Variants in UTRN observed in about 807,000 individuals in gnomAD.
UTRN encodes dystrophin-related protein 1.
UTRN carries 283 observed loss-of-function variants against 463.9 expected under a neutral mutation model. That is an observed-to-expected ratio of 0.61 (90% confidence interval 0.55 to 0.67). The LOEUF (loss-of-function observed/expected upper bound fraction) is 0.67, where lower values mean the gene tolerates loss of function less well. UTRN is among the 30% of genes least tolerant of loss of function. The pLI, the probability that UTRN is intolerant of heterozygous loss-of-function variation, is 0.00. For synonymous variants in UTRN, 1,442 were observed against 1,431.5 expected, an observed-to-expected ratio of 1.01 and a Z score of -0.17; for missense variants, 3,922 against 4,084.3, an observed-to-expected ratio of 0.96 and a Z score of 1.08.
chr6:144,357,420 A>G (rs1188311975), intron 2 of UTRN, among the ~76,000 whole-genome samples: 2 of 152,204 alleles, frequency 1.3e-5, no homozygotes, highest in Non-Finnish European at 1.5e-5. Flanking sequence ...CTAGACTTAG[A>G]GACATTGAAG....
At chr6:144,814,924 A>T (rs9497090) in intron 65 of UTRN, among the ~76,000 whole-genome samples, 1 of 152,064 alleles carries the variant, frequency 6.6e-6, no homozygotes, top group Non-Finnish European at 1.5e-5. Flanking sequence ...GGAATCATCA[A>T]TGTAACTTCA....
At position 144,485,436 on chromosome 6, in the gene UTRN, A is replaced by C. The variant is rs1584973843; in HGVS notation, c.3739A>C (p.Thr1247Pro). The part of the protein sequence containing the change: ...ELLHYLDLET[T>P]WLNTLEERMK... ...GCTTCACTATTTGGATCTTGAAACT[A>C]CCTGGTTAAACACTTTGGAAGAGCG... Residue 1247 changes from threonine (T) to proline (P), a missense_variant, in exon 28 of 75, where the codon ACC becomes CCC. Transcript: ENST00000367545. 1.2e-6 allele frequency: 2 copies of C among 1,614,170 alleles called. No individual in the cohort carries two copies. Among genetic ancestry groups the C allele is most frequent in the Admixed American group, 3.3e-5 (2 of 60,028 alleles).
chr6:144,762,137 T>C (rs1238977366), intron 58 of UTRN, among the ~76,000 whole-genome samples: 1 of 152,194 alleles, frequency 6.6e-6, no homozygotes, highest in African/African-American at 2.4e-5. Context: ...TAATGAATTA[T>C]CAATAACTGC....
At chr6:144,765,702 T>TAATCCCCTCCCCAGGG (rs1562880094) in intron 58 of UTRN, among the ~76,000 whole-genome samples, 1 of 152,168 alleles carries the variant, frequency 6.6e-6, no homozygotes, top group African/African-American at 2.4e-5. Flanking sequence ...TGAGCCACTG[T>TAATCCCCTCCCCAGGG]GCCCAGCTTA....
At chr6:144,741,618 T>C (rs1790101179) in intron 54 of UTRN, among the ~76,000 whole-genome samples, 1 of 152,122 alleles carries the variant, frequency 6.6e-6, no homozygotes, top group Non-Finnish European at 1.5e-5. Context: ...CATCTGTTGA[T>C]GTCCAGCCCA....
At chr6:144,683,535 A>G (rs1243088680) in intron 52 of UTRN, among the ~76,000 whole-genome samples, 3 of 151,970 alleles carry the variant, frequency 2.0e-5, no homozygotes, top group African/African-American at 4.8e-5. Context: ...GTTCAGCCCT[A>G]CTTCTCTGTT....
chr6:144,372,599 A>T (rs1780097139), intron 2 of UTRN, among the ~76,000 whole-genome samples: 1 of 151,508 alleles, frequency 6.6e-6, no homozygotes. Context: ...GGTTCAAGCG[A>T]TTCTCCTCCC....
chr6:144,533,385 G>A, intron 43 of UTRN, 125 bp downstream of exon 43: 2 of 1,437,200 alleles, frequency 1.4e-6, no homozygotes, highest in Non-Finnish European at 1.8e-6. Flanking sequence ...TGACATTTAA[G>A]ACCTCCACTG....
At chr6:144,498,635 T>C (rs960487178) in intron 33 of UTRN, among the ~76,000 whole-genome samples, 1 of 152,000 alleles carries the variant, frequency 6.6e-6, no homozygotes, top group South Asian at 2.1e-4. Flanking sequence ...TATGTGTGTT[T>C]TTCTCGCTTA....
intron 2 of UTRN, among the ~76,000 whole-genome samples, chr6:144,366,929 G>A (rs1779559796): frequency 6.6e-6 from 1 of 151,946 alleles, no homozygotes; most frequent in Non-Finnish European, 1.5e-5. Flanking sequence ...TTGACTTTTT[G>A]ATAATAGCCA....
Position 144,514,656 on chromosome 6 carries a change from G to A in UTRN, c.5080G>A (p.Val1694Ile). ...TGTGTTTTCTTATAATTAGCGTTTA[G>A]TATCTGAGCTGGATGATGCCAACCT... ...SKQEEIVKRL[V>I]SELDDANLQV... is the part of the protein sequence containing the mutation. The change falls in exon 37 of 75, where the codon GTA becomes ATA. Residue 1694 changes from valine to isoleucine, a missense_variant. By Grantham distance (29) the Val-to-Ile change is conservative. This residue lies in a region of UTRN where 2,349 missense variants were observed against 2,303.8 expected (regional missense o/e 1.02). Transcript: ENST00000367545. 1.2e-6 allele frequency: 2 copies of A among 1,613,282 alleles called. No homozygotes were observed. The highest frequency in any genetic ancestry group is 1.7e-6 in the Non-Finnish European group (2 of 1,179,802).
intron 7 of UTRN, among the ~76,000 whole-genome samples, chr6:144,426,772 A>T (rs1489107827): frequency 6.6e-6 from 1 of 152,182 alleles, no homozygotes; most frequent in Non-Finnish European, 1.5e-5. Flanking sequence ...GTATACAAAA[A>T]ATTGTGTTAG....
intron 60 of UTRN, among the ~76,000 whole-genome samples, chr6:144,779,950 A>T (rs1775673392): frequency 1.1e-5 from 1 of 90,792 alleles, no homozygotes; most frequent in Non-Finnish European, 1.9e-5. Flanking sequence ...TATCTCTTTA[A>T]AAAAAAAAAA....
chr6:144,288,832 T>A (rs562228524), intron 1 of UTRN, among the ~76,000 whole-genome samples: 1 of 151,656 alleles, frequency 6.6e-6, no homozygotes, highest in South Asian at 2.1e-4. Flanking sequence ...GCAGCGATCT[T>A]GGCCCACTGC....
intron 2 of UTRN, among the ~76,000 whole-genome samples, chr6:144,372,839 A>C (rs1049403126): frequency 6.6e-6 from 1 of 152,154 alleles, no homozygotes; most frequent in Non-Finnish European, 1.5e-5. Flanking sequence ...AAGACAACCC[A>C]ATTGAAAAAT....
At chr6:144,528,052 T>TTTTTTG (rs1796717579) in intron 41 of UTRN, among the ~76,000 whole-genome samples, 2 of 146,246 alleles carry the variant, frequency 1.4e-5, no homozygotes, top group South Asian at 2.2e-4. Context: ...TTTTTTTTTT[T>TTTTTTG]TGAGATGGAG....
chr6:144,404,661 A>G (rs566193920), intron 3 of UTRN, among the ~76,000 whole-genome samples: 47 of 152,368 alleles, frequency 3.1e-4, no homozygotes, highest in African/African-American at 9.9e-4. Flanking sequence ...TGAAAGCATT[A>G]AACTTGGTAG....
At chr6:144,382,863 C>G (rs1781055423) in intron 2 of UTRN, among the ~76,000 whole-genome samples, 1 of 152,130 alleles carries the variant, frequency 6.6e-6, no homozygotes, top group South Asian at 2.1e-4. Flanking sequence ...CATGCATCTC[C>G]CTATTCCAGT....
chr6:144,790,765 AAC>A (rs2128742986), intron 62 of UTRN, among the ~76,000 whole-genome samples: 1 of 152,320 alleles, frequency 6.6e-6, no homozygotes, highest in African/African-American at 2.4e-5. Flanking sequence ...TGTTAATGAA[AAC>A]ACCAATGTTA....
Sources: gnomAD v4.1 joint callset for allele counts (sites outside exome capture counted in the v4.1 genomes callset) on GRCh38, gnomAD v4.1.1 for gene constraint, gnomAD v4.1.1 regional missense constraint, MANE v1.5 for transcripts, NCBI Gene and HGNC (gene_info 2026-07-23, HGNC 2026-07-21) for gene names.